Variants in SGCD observed in about 807,000 individuals in gnomAD.
SGCD encodes delta-sarcoglycan.
A neutral mutation model predicts 36.6 loss-of-function variants in SGCD; 18 were observed. The ratio of observed to expected loss-of-function variants is 0.49; its 90% CI spans 0.34 to 0.73. SGCD has a LOEUF of 0.73. Among genes scored for constraint, SGCD ranks in the 30% least tolerant of loss-of-function variants. The pLI, the probability that SGCD is intolerant of heterozygous loss-of-function variation, is 0.01. For missense variants in SGCD, 387 were observed against 346.7 expected, an observed-to-expected ratio of 1.12 and a Z score of -0.92; for synonymous variants, 133 against 130.6, an observed-to-expected ratio of 1.02 and a Z score of -0.12.
At position 156,024,957 on chromosome 5, in the gene SGCD, C is replaced by CAA. The variant is rs34607261; in HGVS notation, c.-281-92907_-281-92906dup. Among the ~76,000 whole-genome samples the CAA allele has an allele frequency of 4.2e-3, 528 of 124,520 alleles. 4 individuals carry two copies. The highest frequency in any genetic ancestry group is 0.015 in the African/African-American group (494 of 33,106). The allele number at this position is 124,520 out of a possible 152,430, so 81.7% of individuals were successfully genotyped here. On this transcript the variant is annotated intron_variant, in intron 1 of 9. Coordinates refer to the SGCD transcript ENST00000517913. ...TGGGCAACAGTGCGAGACTCCATCT[C>CAA]AAAAAAAAAAAAAAAGAAATGGCTA...
the SGCD span, among the ~76,000 whole-genome samples, chr5:155,754,322 A>G: frequency 6.6e-6 from 1 of 152,360 alleles, no homozygotes; most frequent in South Asian, 2.1e-4. Context: ...GCATCCAAAT[A>G]TAAGGGACTA....
chr5:156,344,598 T>G lies in SGCD; in HGVS notation c.113T>G (p.Phe38Cys), dbSNP rs1052197017. The change falls in exon 3 of 9, where the codon TTT (phenylalanine) becomes TGT (cysteine). Residue 38 changes from phenylalanine (F) to cysteine (C), a missense_variant. Coordinates refer to ENST00000337851, the MANE Select transcript of SGCD (RefSeq NM_000337.6). Reference sequence around the variant, plus strand: ...TGGCGGAAACGATGCCTGTATTTCTTTGTCCTGCTCCTCATGATTTTAATA... The same window carrying G: ...TGGCGGAAACGATGCCTGTATTTCTGTGTCCTGCTCCTCATGATTTTAATA... Reference protein sequence around the residue: ...YGWRKRCLYFFVLLLMILILV... With the variant: ...YGWRKRCLYFCVLLLMILILV... 6.2e-7 allele frequency: 1 copy of G among 1,612,456 alleles called. No homozygotes were observed. The highest frequency in any genetic ancestry group is 8.5e-7 in the Non-Finnish European group (1 of 1,179,276).
intron 1 of SGCD, among the ~76,000 whole-genome samples, chr5:156,072,681 T>G (rs547880527): frequency 9.7e-4 from 148 of 152,348 alleles, no homozygotes; most frequent in African/African-American, 3.5e-3. Context: ...TTGGCCTGCC[T>G]TGCTAGAATG....
At chr5:156,462,118 G>C (rs977876694) in intron 3 of SGCD, among the ~76,000 whole-genome samples, 1 of 152,264 alleles carries the variant, frequency 6.6e-6, no homozygotes, top group East Asian at 1.9e-4. Flanking sequence ...AGTGAAAAGA[G>C]GAAAATAAAT....
intron 6 of SGCD, among the ~76,000 whole-genome samples, chr5:156,602,215 T>C (rs1433729210): frequency 6.6e-6 from 1 of 152,208 alleles, no homozygotes; most frequent in Non-Finnish European, 1.5e-5. Context: ...CTATTGTAAA[T>C]GGGATTGCTT....
At chr5:156,451,761 C>A (rs548203874) in intron 3 of SGCD, among the ~76,000 whole-genome samples, 8 of 152,246 alleles carry the variant, frequency 5.3e-5, no homozygotes, top group African/African-American at 1.9e-4. Flanking sequence ...CAATATGGTA[C>A]AGGCAATTAC....
chr5:156,018,688 C>A (rs1175598752), intron 1 of SGCD, among the ~76,000 whole-genome samples: 1 of 152,174 alleles, frequency 6.6e-6, no homozygotes, highest in African/African-American at 2.4e-5. Flanking sequence ...GCTAGGTTAT[C>A]AGAAACAAAC....
rs574603537 is a variant in SGCD at position 156,278,099 on chromosome 5, ATCATGTGGAAATAAGAACATT to A, written c.-43-51433_-43-51413del. 1.6e-4 allele frequency among the ~76,000 whole-genome samples: 25 copies of A among 152,334 alleles called. No homozygotes were observed. In the South Asian group the frequency reaches 4.6e-3, roughly 28 times the overall value. On this transcript the variant is annotated intron_variant, in intron 3 of 9. Transcript: ENST00000517913. ...GGAACTTAAAGATGAGAAGGAGCCAATCATGTGGAAATAAGAACATTTTGGCAGAGGAAGAATATATATCAA... is the reference window on the plus strand; with the variant it reads ...GGAACTTAAAGATGAGAAGGAGCCAATTGGCAGAGGAAGAATATATATCAA...
intron 3 of SGCD, among the ~76,000 whole-genome samples, chr5:156,473,136 C>A (rs1454573674): frequency 6.6e-6 from 1 of 152,162 alleles, no homozygotes; most frequent in African/African-American, 2.4e-5. Context: ...ACTATTTCAG[C>A]CGTTTGCCTC....
intron 1 of SGCD, 129 bp downstream of exon 1, chr5:156,327,361 A>G (rs1423333737): frequency 6.6e-6 from 1 of 151,992 alleles, no homozygotes; most frequent in Non-Finnish European, 1.5e-5. Flanking sequence ...GCAAGTTAGA[A>G]CTCCGTCATG....
At chr5:156,448,985 C>T (rs1753874182) in intron 3 of SGCD, among the ~76,000 whole-genome samples, 2 of 152,110 alleles carry the variant, frequency 1.3e-5, no homozygotes, top group Middle Eastern at 3.4e-3. Flanking sequence ...AACTCCTGAC[C>T]TCAAGTGATC....
At chr5:156,221,217 T>C (rs74322972) in intron 3 of SGCD, among the ~76,000 whole-genome samples, 1,594 of 152,156 alleles carry the variant, frequency 0.01, 18 homozygotes, top group Non-Finnish European at 0.017. Context: ...TCCAAGATCA[T>C]GGGGGTGGCA....
intron 3 of SGCD, among the ~76,000 whole-genome samples, chr5:156,241,894 G>T (rs542637295): frequency 6.6e-6 from 1 of 152,240 alleles, no homozygotes; most frequent in South Asian, 2.1e-4. Flanking sequence ...ACAGAGCAAG[G>T]GAGCTATCCA....
At chr5:156,709,839 C>T (rs1359726707) in intron 7 of SGCD, among the ~76,000 whole-genome samples, 1 of 151,492 alleles carries the variant, frequency 6.6e-6, no homozygotes, top group Non-Finnish European at 1.5e-5. Context: ...CCCCTCCCCC[C>T]CGACGCCGCC....
chr5:155,977,591 C>T (rs139158549), intron 1 of SGCD, among the ~76,000 whole-genome samples: 6 of 152,296 alleles, frequency 3.9e-5, no homozygotes, highest in Admixed American at 3.3e-4. Context: ...TTTCACCCTT[C>T]GTGGCCTCCA....
chr5:156,098,653 C>T (rs1761441588), intron 1 of SGCD, among the ~76,000 whole-genome samples: 1 of 152,044 alleles, frequency 6.6e-6, no homozygotes, highest in Non-Finnish European at 1.5e-5. Flanking sequence ...CACACACACA[C>T]ACACACACAC....
At chr5:156,316,510 G>T (rs193299808) in intron 3 of SGCD, among the ~76,000 whole-genome samples, 48 of 151,984 alleles carry the variant, frequency 3.2e-4, no homozygotes, top group African/African-American at 1.1e-3. Flanking sequence ...TCTTGAGCAA[G>T]CAGAACAAAG....
rs1275857619 is a variant in SGCD, at chr5:156,049,636, T to A, written c.-281-68242T>A. Among the ~76,000 whole-genome samples the A allele has an allele frequency of 1.4e-5, 2 of 146,690 alleles. 1 individual carries two copies. The highest frequency in any genetic ancestry group is 1.4e-4 in the Admixed American group (2 of 14,688). ...TTAAGAAATATATTTTGTAAGTCTA[T>A]ATCTGTCATAAATAGTGATTCATTG... On this transcript the variant is annotated intron_variant, in intron 1 of 9. Transcript: ENST00000517913.
intron 1 of SGCD, among the ~76,000 whole-genome samples, chr5:155,941,942 T>C (rs570556153): frequency 6.6e-6 from 1 of 152,262 alleles, no homozygotes; most frequent in Non-Finnish European, 1.5e-5. Flanking sequence ...AAAGGCCTCC[T>C]AGTGCAGAGA....
Sources: gnomAD v4.1 joint callset for allele counts (sites outside exome capture counted in the v4.1 genomes callset) on GRCh38, gnomAD v4.1.1 for gene constraint, MANE v1.5 for transcripts, NCBI Gene and HGNC (gene_info 2026-07-23, HGNC 2026-07-21) for gene names.